The following PTPRE variants were observed in gnomAD, a reference collection of about 807,000 sequenced individuals.
PTPRE encodes protein tyrosine phosphatase receptor type E.
A neutral mutation model predicts 102.0 loss-of-function variants in PTPRE; 51 were observed. The ratio of observed to expected loss-of-function variants is 0.50; its 90% CI spans 0.40 to 0.63. The LOEUF (loss-of-function observed/expected upper bound fraction) is 0.63, where lower values mean the gene tolerates loss of function less well. PTPRE is among the 30% of genes least tolerant of loss of function. PTPRE has a pLI of 0.00. For synonymous variants in PTPRE, 345 were observed against 348.2 expected, an observed-to-expected ratio of 0.99 and a Z score of 0.10; for missense variants, 752 against 915.1, an observed-to-expected ratio of 0.82 and a Z score of 2.30.
At chr10:127,976,555 G>T (rs1274078648) in intron 1 of PTPRE, among the ~76,000 whole-genome samples, 1 of 152,200 alleles carries the variant, frequency 6.6e-6, no homozygotes, top group African/African-American at 2.4e-5. Flanking sequence ...ATATTTAGAA[G>T]TCCTGCTCGT....
chr10:128,047,314 A>AG, intron 3 of PTPRE, 76 bp from the exon 4 acceptor site: 4 of 1,530,968 alleles, frequency 2.6e-6, no homozygotes, highest in Non-Finnish European at 3.5e-6. Flanking sequence ...TCCAGGAAGA[A>AG]GGGCTTATGG....
At chr10:128,033,299 C>T (rs1272254620) in intron 2 of PTPRE, among the ~76,000 whole-genome samples, 1 of 152,240 alleles carries the variant, frequency 6.6e-6, no homozygotes, top group Non-Finnish European at 1.5e-5. Flanking sequence ...GCTGTTAGTG[C>T]TCCCAAGGGT....
At chr10:127,960,298 G>C (rs1168330295) in intron 1 of PTPRE, among the ~76,000 whole-genome samples, 1 of 152,242 alleles carries the variant, frequency 6.6e-6, no homozygotes, top group African/African-American at 2.4e-5. Context: ...CACCCAGCAA[G>C]TGAGCGCTGA....
chr10:128,013,470 G>T (rs1845174504), intron 2 of PTPRE, among the ~76,000 whole-genome samples: 1 of 152,156 alleles, frequency 6.6e-6, no homozygotes, highest in Non-Finnish European at 1.5e-5. Context: ...AGCTTTAAGG[G>T]GCAGCACCTG....
chr10:128,018,346 A>G (rs1156759854), intron 2 of PTPRE, among the ~76,000 whole-genome samples: 1 of 152,214 alleles, frequency 6.6e-6, no homozygotes, highest in Non-Finnish European at 1.5e-5. Flanking sequence ...CCAGACCCCC[A>G]GGGGCTGGAT....
At chr10:127,982,080 G>A (rs1322461100) in intron 1 of PTPRE, among the ~76,000 whole-genome samples, 194 bp from the exon 2 acceptor site, 1 of 152,074 alleles carries the variant, frequency 6.6e-6, no homozygotes, top group Non-Finnish European at 1.5e-5. Flanking sequence ...TAAAGTGTGG[G>A]GTAGGACATG....
chr10:128,005,371 A>G, intron 2 of PTPRE, among the ~76,000 whole-genome samples: 1 of 152,144 alleles, frequency 6.6e-6, no homozygotes, highest in Non-Finnish European at 1.5e-5. Context: ...GTGTGGCCTT[A>G]ACACCCATTC....
chr10:128,076,650 A>C lies in PTPRE; in HGVS notation c.1647A>C (p.Gly549=), dbSNP rs1851230380. ...CAACCGAGGGCTCAGTTACTCATGG[A>C]GAAATAACGATTGAGATAAAGAATG... ...YWPTEGSVTH[G]EITIEIKNDT... Residue 549 remains glycine (G), a synonymous_variant, in exon 18 of 21, where the codon GGA becomes GGC. Coordinates refer to ENST00000254667, the MANE Select transcript of PTPRE (RefSeq NM_006504.6). The C allele has an allele frequency of 1.9e-6, 3 of 1,611,522 alleles. No individual in the cohort carries two copies. The highest frequency in any genetic ancestry group is 3.4e-5 in the Admixed American group (2 of 59,136).
chr10:127,923,163 C>T (rs915505742), intron 1 of PTPRE, among the ~76,000 whole-genome samples: 4 of 152,232 alleles, frequency 2.6e-5, no homozygotes, highest in Non-Finnish European at 4.4e-5. Context: ...AATAGCAAAG[C>T]AAGTCCAAGA....
intron 20 of PTPRE, among the ~76,000 whole-genome samples, chr10:128,080,004 A>C (rs1167958446): frequency 6.6e-6 from 1 of 152,194 alleles, no homozygotes; most frequent in Non-Finnish European, 1.5e-5. Flanking sequence ...ATTCTACGAG[A>C]GTCCTGTGTG....
rs1459396436 is a variant in PTPRE, at chr10:128,077,741, A to T, written c.1850A>T (p.Gln617Leu). The stretch of plus-strand genomic sequence containing the variant: ...GACCTCATCGCAGCCGTGCAGAAGC[A>T]GCAGCAGCAGACAGGCAACCACCCC... ...MIDLIAAVQK[Q>L]QQQTGNHPIT... The change falls in exon 19 of 21, where the codon CAG becomes CTG. Residue 617 changes from glutamine to leucine, a missense_variant. Coordinates refer to ENST00000254667, the MANE Select transcript of PTPRE (RefSeq NM_006504.6). 1 of 1,608,736 alleles carries T rather than the reference A, an allele frequency of 6.2e-7. No individual in the cohort carries two copies. The highest frequency in any genetic ancestry group is 1.7e-5 in the Admixed American group (1 of 59,920).
At chr10:128,035,734 G>C (rs1847158676) in intron 2 of PTPRE, among the ~76,000 whole-genome samples, 1 of 152,232 alleles carries the variant, frequency 6.6e-6, no homozygotes, top group Non-Finnish European at 1.5e-5. Context: ...GGGCCAGCTG[G>C]AAAGGGCACT....
intron 1 of PTPRE, among the ~76,000 whole-genome samples, chr10:127,970,415 C>T (rs1250758719): frequency 6.6e-6 from 1 of 152,128 alleles, no homozygotes; most frequent in Admixed American, 6.5e-5. Flanking sequence ...TCCTCCCACC[C>T]TCTACCCACC....
intron 2 of PTPRE, among the ~76,000 whole-genome samples, chr10:127,997,318 C>T (rs539919800): frequency 3.3e-5 from 5 of 152,300 alleles, no homozygotes; most frequent in African/African-American, 1.2e-4. Context: ...AAAGTTATGG[C>T]GTCCACATGC....
intron 1 of PTPRE, among the ~76,000 whole-genome samples, chr10:127,922,440 G>C (rs1846671431): frequency 6.6e-6 from 1 of 152,236 alleles, no homozygotes; most frequent in African/African-American, 2.4e-5. Flanking sequence ...GGGGCCAGGG[G>C]GCCATCGAGG....
At chr10:127,970,099 AAG>A (rs975305139) in intron 1 of PTPRE, among the ~76,000 whole-genome samples, 13 of 152,344 alleles carry the variant, frequency 8.5e-5, no homozygotes, top group Middle Eastern at 3.4e-3. Flanking sequence ...GCGTAAAAAA[AAG>A]AGCCAGTAAC....
intron 17 of PTPRE, among the ~76,000 whole-genome samples, chr10:128,075,430 C>T (rs1851140908): frequency 6.6e-6 from 1 of 152,088 alleles, no homozygotes; most frequent in Non-Finnish European, 1.5e-5. Flanking sequence ...TCCTAATGCT[C>T]TCCCTCCCCT....
chr10:128,026,320 C>T (rs779007635), intron 2 of PTPRE, among the ~76,000 whole-genome samples: 2 of 152,250 alleles, frequency 1.3e-5, no homozygotes, highest in African/African-American at 4.8e-5. Context: ...GAGGGTCTGG[C>T]GAGAGGCCCC....
chr10:127,946,518 A>G (rs191915837), intron 1 of PTPRE, among the ~76,000 whole-genome samples: 1 of 149,214 alleles, frequency 6.7e-6, no homozygotes, highest in East Asian at 2.0e-4. Context: ...AGCCCCTGGG[A>G]GATATTCATC....
Sources: gnomAD v4.1 joint callset for allele counts (sites outside exome capture counted in the v4.1 genomes callset) on GRCh38, gnomAD v4.1.1 for gene constraint, MANE v1.5 for transcripts, NCBI Gene and HGNC (gene_info 2026-07-23, HGNC 2026-07-21) for gene names.